Variants in LRRIQ1 observed in about 807,000 individuals in gnomAD.
LRRIQ1 encodes the protein leucine-rich repeat- and IQ domain-containing protein 1.
A neutral mutation model predicts 211.9 loss-of-function variants in LRRIQ1; 210 were observed. That is an observed-to-expected ratio of 0.99 (90% CI 0.89 to 1.11). The LOEUF (loss-of-function observed/expected upper bound fraction) is 1.11. LRRIQ1 is among the 50% of genes most tolerant of loss of function. The pLI is 0.00. For synonymous variants in LRRIQ1, 699 were observed against 650.1 expected, an observed-to-expected ratio of 1.08 and a Z score of -1.14; for missense variants, 2,136 against 1,939.5, an observed-to-expected ratio of 1.10 and a Z score of -1.90.
chr12:85,190,154 T>C (rs546844890), intron 24 of LRRIQ1, among the ~76,000 whole-genome samples: 22 of 143,528 alleles, frequency 1.5e-4, no homozygotes, highest in African/African-American at 5.5e-4. Flanking sequence ...AATATAGTAA[T>C]ATAACAATAT....
At chr12:85,050,995 A>G (rs1880241740) in intron 6 of LRRIQ1, among the ~76,000 whole-genome samples, 1 of 152,182 alleles carries the variant, frequency 6.6e-6, no homozygotes, top group Non-Finnish European at 1.5e-5. Flanking sequence ...TTGGATGTTT[A>G]TCCCCTTGAA....
intron 13 of LRRIQ1, among the ~76,000 whole-genome samples, chr12:85,102,959 A>AATATATATATATATAT (rs1197049295): frequency 6.5e-5 from 7 of 108,464 alleles, no homozygotes; most frequent in African/African-American, 2.9e-4. Flanking sequence ...AAAAAAAAAA[A>AATATATATATATATAT]ATATATATAT....
At chr12:85,239,913 CTT>C (rs567828558) in intron 26 of LRRIQ1, among the ~76,000 whole-genome samples, 1 of 151,878 alleles carries the variant, frequency 6.6e-6, no homozygotes, top group Admixed American at 6.6e-5. Flanking sequence ...GGGAGGCAGA[CTT>C]TGCAGTGAAC....
At chr12:85,106,807 T>C (rs949654960) in intron 15 of LRRIQ1, among the ~76,000 whole-genome samples, 192 bp downstream of exon 15, 1 of 152,278 alleles carries the variant, frequency 6.6e-6, no homozygotes, top group Admixed American at 6.5e-5. Context: ...TTCTTGCACA[T>C]GTGTGAACTA....
At chr12:85,037,178 C>G (rs1878227033) in intron 1 of LRRIQ1, among the ~76,000 whole-genome samples, 1 of 147,280 alleles carries the variant, frequency 6.8e-6, no homozygotes, top group Admixed American at 6.9e-5. Context: ...TTGCACTTCT[C>G]TTTTGTTTTT....
intron 24 of LRRIQ1, among the ~76,000 whole-genome samples, chr12:85,225,345 A>T (rs1286565423): frequency 1.3e-5 from 2 of 152,154 alleles, no homozygotes; most frequent in Non-Finnish European, 2.9e-5. Context: ...AGGAACAACT[A>T]TGTGTGTAAA....
At chr12:85,118,329 G>A (rs1887721652) in intron 15 of LRRIQ1, among the ~76,000 whole-genome samples, 1 of 151,980 alleles carries the variant, frequency 6.6e-6, no homozygotes, top group South Asian at 2.1e-4. Context: ...ATTTTTATCT[G>A]CTTCATAATA....
chr12:85,162,587 C>T (rs1053763215), intron 24 of LRRIQ1, among the ~76,000 whole-genome samples: 1 of 152,070 alleles, frequency 6.6e-6, no homozygotes, highest in African/African-American at 2.4e-5. Context: ...GCTACATTAC[C>T]ATCTAGAATA....
intron 24 of LRRIQ1, among the ~76,000 whole-genome samples, chr12:85,176,209 G>A (rs1187553405): frequency 2.6e-5 from 4 of 151,902 alleles, no homozygotes; most frequent in Admixed American, 6.6e-5. Flanking sequence ...TTCTCCTTGA[G>A]GAGGTCCTTC....
intron 10 of LRRIQ1, among the ~76,000 whole-genome samples, chr12:85,069,461 T>C (rs1008790194): frequency 2.0e-5 from 3 of 152,102 alleles, no homozygotes; most frequent in African/African-American, 7.2e-5. Flanking sequence ...TTCCTAGTAA[T>C]GGGATGGCTG....
chr12:85,038,340 G>A lies in LRRIQ1; in HGVS notation c.132+32G>A, dbSNP rs767383335. The A allele has an allele frequency of 2.8e-6, 4 of 1,405,456 alleles. No homozygotes were observed. In the Admixed American group the frequency reaches 1.0e-4, roughly 35 times the overall value. The allele number at this position is 1,405,456 out of a possible 1,614,324, so 87.1% of individuals were successfully genotyped here. On this transcript the variant is annotated intron_variant, in intron 2 of 26. Coordinates refer to ENST00000393217, the MANE Select transcript of LRRIQ1 (RefSeq NM_001079910.2). The stretch of plus-strand genomic sequence containing the variant: ...ATTGCACTTTTGAGCCTTTTAACAG[G>A]AGTAGGCTTTTCAGGAGAAATATTA...
chr12:85,095,797 CT>C (rs1048433246), intron 11 of LRRIQ1, among the ~76,000 whole-genome samples: 1 of 151,676 alleles, frequency 6.6e-6, no homozygotes, highest in Non-Finnish European at 1.5e-5. Context: ...TTTAGTTTTT[CT>C]TTTTTTTAAA....
intron 3 of LRRIQ1, among the ~76,000 whole-genome samples, chr12:85,043,448 C>G (rs1310335358): frequency 6.6e-6 from 1 of 152,042 alleles, no homozygotes; most frequent in Non-Finnish European, 1.5e-5. Flanking sequence ...CATGTAGATT[C>G]TGAGAAGTGT....
intron 24 of LRRIQ1, among the ~76,000 whole-genome samples, chr12:85,197,994 ATATAT>A (rs1893052957): frequency 1.7e-5 from 1 of 59,492 alleles, no homozygotes; most frequent in Non-Finnish European, 3.3e-5. Context: ...ATTATATATT[ATATAT>A]AACATATATA....
chr12:85,062,497 A>T (rs1881942971), intron 8 of LRRIQ1, among the ~76,000 whole-genome samples: 1 of 151,206 alleles, frequency 6.6e-6, no homozygotes, highest in Non-Finnish European at 1.5e-5. Flanking sequence ...AGTGGTTTCC[A>T]CTTGCAACCA....
intron 24 of LRRIQ1, among the ~76,000 whole-genome samples, chr12:85,197,109 A>C (rs1892960084): frequency 6.6e-6 from 1 of 152,154 alleles, no homozygotes; most frequent in African/African-American, 2.4e-5. Flanking sequence ...AGAGAAATGC[A>C]AATCAAAACC....
chr12:85,038,323 T>TA lies in LRRIQ1; in HGVS notation c.132+15_132+16insA, dbSNP rs1272993433. On this transcript the variant is annotated intron_variant, in intron 2 of 26. Coordinates refer to ENST00000393217, the MANE Select transcript of LRRIQ1 (RefSeq NM_001079910.2). ...ATAGTGATACAGTGAGTATTGCACT[T>TA]TTGAGCCTTTTAACAGGAGTAGGCT... 1 of 1,473,414 alleles carries TA rather than the reference T, an allele frequency of 6.8e-7. No homozygotes were observed. The highest frequency in any genetic ancestry group is 1.5e-5 in the South Asian group (1 of 64,860). The allele number at this position is 1,473,414 out of a possible 1,614,324, so 91.3% of individuals were successfully genotyped here. A position where few individuals can be genotyped will look rare whatever the true frequency, so the allele number is the denominator to read the frequency against.
rs768707781 is a variant in LRRIQ1, at chr12:85,057,101, C to T, written c.2308C>T (p.Pro770Ser). The T allele has an allele frequency of 1.9e-6, 3 of 1,605,612 alleles. No homozygotes were observed. Among genetic ancestry groups the T allele is most frequent in the African/African-American group, 2.7e-5 (2 of 74,154 alleles). The change falls in exon 8 of 27, where the codon CCT becomes TCT. Residue 770 changes from proline to serine, a missense_variant. By Grantham distance (74) the Pro-to-Ser change is moderately conservative. Coordinates refer to ENST00000393217, the MANE Select transcript of LRRIQ1 (RefSeq NM_001079910.2). ...AAAGAAAATTGTTAGAAGAAAGAGA[C>T]CTGTGAAATGCCCAGCCAACATGAC... ...QQKKIVRRKRPVKCPANMTPA... is the reference protein window; with the variant it reads ...QQKKIVRRKRSVKCPANMTPA...
intron 19 of LRRIQ1, among the ~76,000 whole-genome samples, chr12:85,151,240 T>G (rs1386536685): frequency 2.0e-5 from 3 of 151,540 alleles, no homozygotes; most frequent in African/African-American, 7.3e-5. Context: ...ATTCAAATGG[T>G]GCAAGTTTGG....
Sources: gnomAD v4.1 joint callset for allele counts (sites outside exome capture counted in the v4.1 genomes callset) on GRCh38, gnomAD v4.1.1 for gene constraint, MANE v1.5 for transcripts, NCBI Gene and HGNC (gene_info 2026-07-23, HGNC 2026-07-21) for gene names.